TSPOAP1: variants seen among roughly 807,000 people sequenced by gnomAD.
The protein encoded by TSPOAP1 is peripheral-type benzodiazepine receptor-associated protein 1.
In TSPOAP1, 87 loss-of-function variants were observed where a neutral mutation model predicts 197.0. That is an observed-to-expected ratio of 0.44 (90% CI 0.37 to 0.53). The LOEUF (loss-of-function observed/expected upper bound fraction) is 0.53. TSPOAP1 is among the 20% of genes least tolerant of loss of function. The pLI, the probability that TSPOAP1 is intolerant of heterozygous loss-of-function variation, is 0.00. For missense variants in TSPOAP1, 2,174 were observed against 2,411.3 expected, an observed-to-expected ratio of 0.90 and a Z score of 2.06; for synonymous variants, 913 against 998.9, an observed-to-expected ratio of 0.91 and a Z score of 1.62.
Position 58,326,486 on chromosome 17 carries a change from C to T in TSPOAP1, c.442-65G>A. 4 of 1,594,856 alleles carry T rather than the reference C, an allele frequency of 2.5e-6. No individual in the cohort carries two copies. The highest frequency in any genetic ancestry group is 3.4e-5 in the Admixed American group (2 of 58,196). On this transcript the variant is annotated intron_variant, in intron 2 of 31. Coordinates refer to ENST00000343736, the MANE Select transcript of TSPOAP1 (RefSeq NM_004758.4). The surrounding 1 kb of genome is among the most constrained non-coding windows in gnomAD (Gnocchi z 4.7). ...ACCCCACAGACCCAGTCCTAACAGC[C>T]CAAGTCTTGGGCTAGAGCCCTAGGC...
Position 58,327,662 on chromosome 17 carries a change from G to C in TSPOAP1, c.259C>G (p.Leu87Val). ...PEGAEACLPS[L>V]GQQASSSGPA... ...CCAGAGCTGGATGCTTGCTGGCCCA[G>C]GCTGGGCAGACAAGCCTCTGCTCCT... The change falls in exon 1 of 32, where the codon CTG becomes GTG. Residue 87 changes from leucine (L) to valine (V), a missense_variant. By Grantham distance (32) the Leu-to-Val change is conservative. This residue lies in a region of TSPOAP1 where 1,933 missense variants were observed against 2,139.0 expected (regional missense o/e 0.90). Transcript: ENST00000343736. 2 of 1,613,728 alleles carry C rather than the reference G, an allele frequency of 1.2e-6. No homozygotes were observed. Among genetic ancestry groups the C allele is most frequent in the Non-Finnish European group, 1.7e-6 (2 of 1,180,036 alleles).
At chr17:58,316,983 G>A (rs1555620464) in intron 14 of TSPOAP1, among the ~76,000 whole-genome samples, 3 of 152,208 alleles carry the variant, frequency 2.0e-5, no homozygotes, top group South Asian at 2.1e-4. Context: ...GATTGCTTGA[G>A]CCAGGAGTTT....
chr17:58,327,843 G>A lies in TSPOAP1; in HGVS notation c.78C>T (p.Ser26=). The change falls in exon 1 of 32, where the codon AGC becomes AGT. Residue 26 remains serine, a synonymous_variant. Coordinates refer to ENST00000343736, the MANE Select transcript of TSPOAP1 (RefSeq NM_004758.4). The part of the protein sequence containing the change: ...MEPWALPTWH[S]WTPGRGGEPS... ...GTTCACCCCCTCGACCTGGAGTCCA[G>A]CTATGCCAGGTGGGCAGTGCCCATG... is the stretch of plus-strand genomic sequence containing the variant. The A allele has an allele frequency of 1.2e-6, 2 of 1,613,818 alleles. No homozygotes were observed. The highest frequency in any genetic ancestry group is 4.5e-5 in the East Asian group (2 of 44,892).
chr17:58,320,401 G>T, intron 11 of TSPOAP1, 130 bp downstream of exon 11: 1 of 1,154,580 alleles, frequency 8.7e-7, no homozygotes, highest in Non-Finnish European at 1.2e-6. Flanking sequence ...ACTCCCCCAG[G>T]TCCTGGAGCA....
intron 29 of TSPOAP1, 101 bp downstream of exon 29, chr17:58,305,286 C>T: frequency 6.6e-7 from 1 of 1,511,944 alleles, no homozygotes; most frequent in Non-Finnish European, 9.2e-7. Context: ...GGGAGGTGAC[C>T]CGTTCCATTC....
At chr17:58,310,316 G>A (rs1971040862) in intron 20 of TSPOAP1, among the ~76,000 whole-genome samples, 158 bp from the exon 21 acceptor site, 1 of 152,208 alleles carries the variant, frequency 6.6e-6, no homozygotes, top group Non-Finnish European at 1.5e-5. Context: ...TCAGGGGCAG[G>A]GTGGGAGAAG....
At position 58,309,664 on chromosome 17, in the gene TSPOAP1, C is replaced by T. The variant is rs1255160064; in HGVS notation, c.3892-284G>A. On this transcript the variant is annotated intron_variant, in intron 21 of 31. Coordinates refer to ENST00000343736, the MANE Select transcript of TSPOAP1 (RefSeq NM_004758.4). The surrounding 1 kb of genome is among the most constrained non-coding windows in gnomAD (Gnocchi z 5.0). ...GCATTGAGGAGCAGGCCTCCCCATC[C>T]CCTCCCCAGAAGCTACCAGCACAAG... 1.3e-5 allele frequency among the ~76,000 whole-genome samples: 2 copies of T among 152,206 alleles called. No individual in the cohort carries two copies. Among genetic ancestry groups the T allele is most frequent in the African/African-American group, 4.8e-5 (2 of 41,442 alleles).
intron 11 of TSPOAP1, 58 bp downstream of exon 11, chr17:58,320,473 A>G: frequency 6.9e-7 from 1 of 1,459,702 alleles, no homozygotes; most frequent in Middle Eastern, 2.0e-4. Flanking sequence ...CTCTATCTGG[A>G]GGACCCCCGC....
Position 58,322,684 on chromosome 17 carries a change from G to T in TSPOAP1, c.1287C>A (p.Ser429Arg), listed in dbSNP as rs1392456803. The change falls in exon 9 of 32, where the codon AGC becomes AGA. Residue 429 changes from serine (S) to arginine (R), a missense_variant. Physicochemically the swap from Ser to Arg is moderately radical, Grantham distance 110. Transcript: ENST00000343736. This position sits in a 1 kb window ranked among gnomAD's most constrained non-coding sequence, Gnocchi z 5.0. Reference protein sequence around the residue: ...SALRKSQGLQSKLESLEQVLK... With the variant: ...SALRKSQGLQRKLESLEQVLK... ...GCACTTGCTCCAGGCTCTCCAGCTT[G>T]CTCTGCAGGCCCTGGCTCTTGCGAA... The T allele has an allele frequency of 1.9e-6, 3 of 1,610,896 alleles. No homozygotes were observed. Among genetic ancestry groups the T allele is most frequent in the East Asian group, 2.2e-5 (1 of 44,806 alleles).
chr17:58,307,571 T>C, intron 24 of TSPOAP1, 40 bp downstream of exon 24: 1 of 1,604,662 alleles, frequency 6.2e-7, no homozygotes. Context: ...AAGACCCAGC[T>C]GGTGTTTGGA....
intron 10 of TSPOAP1, among the ~76,000 whole-genome samples, chr17:58,321,300 CT>C (rs200542407): frequency 0.19 from 27,647 of 143,448 alleles, 2,551 homozygotes; most frequent in African/African-American, 0.25. Flanking sequence ...CTTGTCAATT[CT>C]TTTTTTTTTT....
In TSPOAP1 at chr17:58,325,015, G is replaced by A. The variant is rs1410237132; in HGVS notation, c.751-13C>T. On this transcript the variant is annotated splice_polypyrimidine_tract_variant and intron_variant, in intron 4 of 31. Coordinates refer to ENST00000343736, the MANE Select transcript of TSPOAP1 (RefSeq NM_004758.4). Reference sequence around the variant, plus strand: ...ACTGGGGACCCTCCTGAGGTTGGGGGACAGGGACAGGGAGGGGACTCAGGC... The same window carrying A: ...ACTGGGGACCCTCCTGAGGTTGGGGAACAGGGACAGGGAGGGGACTCAGGC... The A allele has an allele frequency of 1.3e-6, 2 of 1,511,398 alleles. No individual in the cohort carries two copies. The highest frequency in any genetic ancestry group is 1.2e-5 in the South Asian group (1 of 80,314). The allele number at this position is 1,511,398 out of a possible 1,614,324, so 93.6% of individuals were successfully genotyped here.
Position 58,326,773 on chromosome 17 carries a change from G to A in TSPOAP1, c.351C>T (p.Ser117=), listed in dbSNP as rs1971626558. The change falls in exon 2 of 32, where the codon AGC becomes AGT. Residue 117 remains serine (S), a synonymous_variant. Transcript: ENST00000343736. This position sits in a 1 kb window ranked among gnomAD's most constrained non-coding sequence, Gnocchi z 4.7. Reference sequence around the variant, plus strand: ...GCTCCAGATTGGGCCTGTCCCCAAAGCTCATATTCAGCTTGGCCTGGCATG... The same window carrying A: ...GCTCCAGATTGGGCCTGTCCCCAAAACTCATATTCAGCTTGGCCTGGCATG... The part of the protein sequence containing the change: ...EAFLKAKLNM[S]FGDRPNLELL... The A allele has an allele frequency of 6.2e-7, 1 of 1,614,050 alleles. No individual in the cohort carries two copies. The highest frequency in any genetic ancestry group is 1.6e-4 in the Middle Eastern group (1 of 6,062).
intron 31 of TSPOAP1, chr17:58,303,153 C>A (rs1396852766): frequency 6.6e-6 from 1 of 152,488 alleles, no homozygotes; most frequent in Non-Finnish European, 1.5e-5. Context: ...TTGCCTCAAG[C>A]CCGCCCAGAC....
chr17:58,310,211 G>A, intron 20 of TSPOAP1, 53 bp from the exon 21 acceptor site: 2 of 1,559,042 alleles, frequency 1.3e-6, no homozygotes, highest in Non-Finnish European at 1.7e-6. Flanking sequence ...GGGGCACAGG[G>A]GGTTCCAGGC....
chr17:58,305,789 C>G lies in TSPOAP1; in HGVS notation c.5257+44G>C, dbSNP rs762899397. On this transcript the variant is annotated intron_variant, in intron 27 of 31. Transcript: ENST00000343736. ...GGCGAGGCCAGAGGGGCCACCCACCCTATCTCCTTCCCCAGCCTCCCGGGC... is the reference window on the plus strand; with the variant it reads ...GGCGAGGCCAGAGGGGCCACCCACCGTATCTCCTTCCCCAGCCTCCCGGGC... The G allele has an allele frequency of 8.4e-5, 136 of 1,610,010 alleles. 1 individual carries two copies. The South Asian group carries it at 1.4e-3, about 17-fold the overall frequency.
In TSPOAP1 at chr17:58,306,298, C is replaced by T. The variant is rs754595190; in HGVS notation, c.5224+44G>A. On this transcript the variant is annotated intron_variant, in intron 26 of 31. Transcript: ENST00000343736. ...AGCCAAGCAGCGCCACCCCACCGCA[C>T]ACACATCCTCCCAGCACCTGAGAGA... The T allele has an allele frequency of 1.4e-5, 21 of 1,525,786 alleles. 2 individuals are homozygous for T. The South Asian group carries it at 2.0e-4, about 15-fold the overall frequency. 94.5% of individuals were successfully genotyped at this position (1,525,786 alleles called of 1,614,324 possible).
chr17:58,305,653 G>T lies in TSPOAP1; in HGVS notation c.5258-10C>A. On this transcript the variant is annotated splice_polypyrimidine_tract_variant and intron_variant, in intron 27 of 31. Transcript: ENST00000343736. Reference sequence around the variant, plus strand: ...ACCAGCTTAGGGGGGCCTGCAGGGGGAGTAGGAGAAGACTCTGGACTCTCT... The same window carrying T: ...ACCAGCTTAGGGGGGCCTGCAGGGGTAGTAGGAGAAGACTCTGGACTCTCT... 1 of 1,449,552 alleles carries T rather than the reference G, an allele frequency of 6.9e-7. No homozygotes were observed. Among genetic ancestry groups the T allele is most frequent in the Non-Finnish European group, 9.4e-7 (1 of 1,064,424 alleles). The allele number at this position is 1,449,552 out of a possible 1,614,324, so 89.8% of individuals were successfully genotyped here.
In TSPOAP1 at chr17:58,320,584, A is replaced by G; in HGVS notation, c.1423-3T>C. 6.9e-7 allele frequency: 1 copy of G among 1,452,578 alleles called. No individual in the cohort carries two copies. The highest frequency in any genetic ancestry group is 9.1e-7 in the Non-Finnish European group (1 of 1,099,306). 90.0% of individuals were successfully genotyped at this position (1,452,578 alleles called of 1,614,324 possible). On this transcript the variant is annotated splice_region_variant and splice_polypyrimidine_tract_variant and intron_variant, in intron 10 of 31. Coordinates refer to ENST00000343736, the MANE Select transcript of TSPOAP1 (RefSeq NM_004758.4). ...TCCCTCTGGGCTTCAGCCTGGGCCTACAGGTGGGGGGAACCAAAATACTGG... is the reference window on the plus strand; with the variant it reads ...TCCCTCTGGGCTTCAGCCTGGGCCTGCAGGTGGGGGGAACCAAAATACTGG...
Sources: gnomAD v4.1 joint callset for allele counts (sites outside exome capture counted in the v4.1 genomes callset) on GRCh38, gnomAD v4.1.1 for gene constraint, gnomAD v4.1.1 regional missense constraint, Gnocchi (gnomAD v3.1) non-coding constraint, MANE v1.5 for transcripts, NCBI Gene and HGNC (gene_info 2026-07-23, HGNC 2026-07-21) for gene names.